The following EYA2 variants were observed in gnomAD, a reference collection of about 807,000 sequenced individuals.
The protein encoded by EYA2 is protein phosphatase EYA2.
A neutral mutation model predicts 69.2 loss-of-function variants in EYA2; 31 were observed. That is an observed-to-expected ratio of 0.45 (90% CI 0.34 to 0.60). The LOEUF (loss-of-function observed/expected upper bound fraction) is 0.60, where lower values mean the gene tolerates loss of function less well. EYA2 is among the 20% of genes least tolerant of loss of function. The pLI is 0.02. For synonymous variants in EYA2, 257 were observed against 279.4 expected, an observed-to-expected ratio of 0.92 and a Z score of 0.80; for missense variants, 622 against 701.2, an observed-to-expected ratio of 0.89 and a Z score of 1.28.
intron 5 of EYA2, among the ~76,000 whole-genome samples, chr20:47,023,096 G>A (rs895489289): frequency 6.6e-6 from 1 of 151,522 alleles, no homozygotes; most frequent in African/African-American, 2.4e-5. Flanking sequence ...TACCTAGTTC[G>A]GGCATCTGTG....
rs149866268 is a variant in EYA2 at position 47,127,755 on chromosome 20, T to A, written c.889-15304T>A. 3.6e-3 allele frequency among the ~76,000 whole-genome samples: 550 copies of A among 152,302 alleles called. 1 individual carries two copies. The highest frequency in any genetic ancestry group is 6.2e-3 in the Non-Finnish European group (420 of 68,036). On this transcript the variant is annotated intron_variant, in intron 9 of 15. Transcript: ENST00000327619. The stretch of plus-strand genomic sequence containing the variant: ...CAGACAGTCCTGGAGGGCTTAATCC[T>A]GGGACTGGGTTGAGTCCAATGCTTA...
At chr20:47,070,746 G>A (rs2031283061) in intron 5 of EYA2, among the ~76,000 whole-genome samples, 1 of 152,192 alleles carries the variant, frequency 6.6e-6, no homozygotes, top group Non-Finnish European at 1.5e-5. Flanking sequence ...TAATGTGGAT[G>A]TAGTTAATGC....
intron 9 of EYA2, among the ~76,000 whole-genome samples, chr20:47,135,477 AATTATT>A (rs113627247): frequency 5.3e-5 from 8 of 150,848 alleles, no homozygotes; most frequent in African/African-American, 1.7e-4. Context: ...CATTATTATT[AATTATT>A]ATTATTATTA....
At chr20:47,151,051 G>A (rs777985148) in intron 10 of EYA2, among the ~76,000 whole-genome samples, 1 of 152,038 alleles carries the variant, frequency 6.6e-6, no homozygotes, top group Non-Finnish European at 1.5e-5. Flanking sequence ...AGGTGAAAAG[G>A]AAAGCTGAAC....
chr20:46,986,556 A>G (rs202149668), intron 1 of EYA2, among the ~76,000 whole-genome samples: 1 of 151,736 alleles, frequency 6.6e-6, no homozygotes, highest in East Asian at 1.9e-4. Context: ...GCTGTAAAGG[A>G]ATACCTGATA....
At chr20:46,982,026 T>G (rs1436882974) in intron 1 of EYA2, among the ~76,000 whole-genome samples, 1 of 152,212 alleles carries the variant, frequency 6.6e-6, no homozygotes, top group African/African-American at 2.4e-5. Context: ...TTAGTACTTT[T>G]ACCATTTCCA....
At chr20:46,960,749 G>A (rs952054204) in intron 1 of EYA2, among the ~76,000 whole-genome samples, 3 of 152,162 alleles carry the variant, frequency 2.0e-5, no homozygotes, top group African/African-American at 2.4e-5. Context: ...CAGAGACAGC[G>A]TGACCCACAA....
intron 5 of EYA2, among the ~76,000 whole-genome samples, chr20:47,065,130 G>GC (rs2031061657): frequency 6.6e-6 from 1 of 152,122 alleles, no homozygotes; most frequent in Non-Finnish European, 1.5e-5. Context: ...GGAAAGATCT[G>GC]CCCCCATGAT....
chr20:46,987,606 G>C (rs1981316044), intron 1 of EYA2, among the ~76,000 whole-genome samples: 1 of 152,052 alleles, frequency 6.6e-6, no homozygotes, highest in Admixed American at 6.5e-5. Flanking sequence ...TCCAATTCAA[G>C]GATTCAGTTA....
At chr20:47,177,488 A>G (rs925362097) in intron 12 of EYA2, among the ~76,000 whole-genome samples, 1 of 152,238 alleles carries the variant, frequency 6.6e-6, no homozygotes, top group African/African-American at 2.4e-5. Context: ...AAAAAAATGG[A>G]TAGTGGATGG....
intron 5 of EYA2, among the ~76,000 whole-genome samples, chr20:47,066,517 C>G (rs556532566): frequency 2.6e-5 from 4 of 152,166 alleles, no homozygotes; most frequent in African/African-American, 4.8e-5. Context: ...TGTGGCCATT[C>G]TAGTCTGCAA....
intron 1 of EYA2, among the ~76,000 whole-genome samples, chr20:46,964,140 A>G (rs79226789): frequency 0.054 from 8,282 of 152,294 alleles, 711 homozygotes; most frequent in African/African-American, 0.19. Context: ...AAAGGTGTAC[A>G]CTGCACTGCA....
Position 47,081,328 on chromosome 20 carries a change from T to TA in EYA2, c.661+7003dup, listed in dbSNP as rs1022849176. On this transcript the variant is annotated intron_variant, in intron 7 of 15. Transcript: ENST00000327619. Reference sequence around the variant, plus strand: ...GAGAGTAGATTTTAAGTGTTTTTAGTAAAAAAAAAATAAAAAATATGTGAA... The same window carrying TA: ...GAGAGTAGATTTTAAGTGTTTTTAGTAAAAAAAAAAATAAAAAATATGTGAA... Among the ~76,000 whole-genome samples, 702 of 148,604 alleles carry TA rather than the reference T, an allele frequency of 4.7e-3. 5 individuals carry two copies. Among genetic ancestry groups the TA allele is most frequent in the African/African-American group, 0.014 (559 of 40,582 alleles).
chr20:46,907,875 G>A (rs1304939683), intron 1 of EYA2, among the ~76,000 whole-genome samples: 1 of 151,936 alleles, frequency 6.6e-6, no homozygotes, highest in Non-Finnish European at 1.5e-5. Flanking sequence ...AAGTGTGCCT[G>A]GAGCGACTGT....
At chr20:46,972,072 G>A (rs544296475) in intron 1 of EYA2, among the ~76,000 whole-genome samples, 1 of 152,218 alleles carries the variant, frequency 6.6e-6, no homozygotes, top group African/African-American at 2.4e-5. Flanking sequence ...GATGTAGGAA[G>A]AGTTTAACAA....
intron 11 of EYA2, among the ~76,000 whole-genome samples, 165 bp from the exon 12 acceptor site, chr20:47,172,542 G>A (rs1015470630): frequency 6.6e-6 from 1 of 152,192 alleles, no homozygotes; most frequent in Non-Finnish European, 1.5e-5. Flanking sequence ...TGAAAGCTGT[G>A]GTCCTGCTGC....
At chr20:47,138,377 C>G (rs979369414) in intron 9 of EYA2, among the ~76,000 whole-genome samples, 1 of 152,156 alleles carries the variant, frequency 6.6e-6, no homozygotes. Flanking sequence ...AAAGGCTCAT[C>G]ATATAAACAT....
chr20:47,078,222 C>T (rs980144711), intron 7 of EYA2, among the ~76,000 whole-genome samples: 12 of 152,134 alleles, frequency 7.9e-5, no homozygotes, highest in Admixed American at 2.0e-4. Flanking sequence ...AATCTAATGA[C>T]GTAAATAATG....
At position 46,947,331 on chromosome 20, in the gene EYA2, A is replaced by G. The variant is rs6012085; in HGVS notation, c.-10-42670A>G. On this transcript the variant is annotated intron_variant, in intron 1 of 15. Coordinates refer to ENST00000327619, the MANE Select transcript of EYA2 (RefSeq NM_005244.5). ...AGTTCCAGACCACTGTTTTTAAACA[A>G]CTTTGGACTGTGATCCTCATAAAGG... Among the ~76,000 whole-genome samples the G allele has an allele frequency of 5.1e-3, 781 of 152,212 alleles. 8 individuals are homozygous for G. Among genetic ancestry groups the G allele is most frequent in the African/African-American group, 0.018 (743 of 41,512 alleles).
Sources: gnomAD v4.1 joint callset for allele counts (sites outside exome capture counted in the v4.1 genomes callset) on GRCh38, gnomAD v4.1.1 for gene constraint, MANE v1.5 for transcripts, NCBI Gene and HGNC (gene_info 2026-07-23, HGNC 2026-07-21) for gene names.